Variants in WNK2 observed in about 807,000 individuals in gnomAD.
WNK2 encodes WNK lysine deficient protein kinase 2.
Under a neutral mutation model 192.1 loss-of-function variants are expected in WNK2, and 67 were observed. That is an observed-to-expected ratio of 0.35 (90% CI 0.29 to 0.43). WNK2 has a LOEUF of 0.43. Among genes scored for constraint, WNK2 ranks in the 20% least tolerant of loss-of-function variants. WNK2 has a pLI of 1.00. For synonymous variants in WNK2, 1,439 were observed against 1,393.9 expected, an observed-to-expected ratio of 1.03 and a Z score of -0.72; for missense variants, 2,698 against 3,089.7, an observed-to-expected ratio of 0.87 and a Z score of 3.01.
chr9:93,293,069 C>T lies in WNK2; in HGVS notation c.5604C>T (p.Ile1868=), dbSNP rs1207523224. The T allele has an allele frequency of 1.9e-6, 3 of 1,610,564 alleles. No individual in the cohort carries two copies. The highest frequency in any genetic ancestry group is 1.7e-6 in the Non-Finnish European group (2 of 1,178,758). The change falls in exon 23 of 30, where the codon ATC becomes ATT. Residue 1868 remains isoleucine (I), a synonymous_variant. Transcript: ENST00000427277. The stretch of plus-strand genomic sequence containing the variant: ...GGGTGGGCATGAAGGTCCCCACGAT[C>T]AGCGTGACCTCCTTCCATTCCCAGT... ...PSRVGMKVPT[I]SVTSFHSQSS...
chr9:93,236,189 G>T (rs1839781902), intron 5 of WNK2, among the ~76,000 whole-genome samples: 1 of 152,300 alleles, frequency 6.6e-6, no homozygotes, highest in African/African-American at 2.4e-5. Flanking sequence ...CATTTGCCAG[G>T]CCTTGGGGTG....
intron 2 of WNK2, among the ~76,000 whole-genome samples, chr9:93,221,706 A>C (rs1836919598): frequency 6.6e-6 from 1 of 152,228 alleles, no homozygotes; most frequent in Non-Finnish European, 1.5e-5. Context: ...CGTTCGCAGG[A>C]AACTAAGGAA....
chr9:93,257,347 C>T lies in WNK2; in HGVS notation c.2382+208C>T, dbSNP rs1843474936. 6.6e-6 allele frequency among the ~76,000 whole-genome samples: 1 copy of T among 152,164 alleles called. No homozygotes were observed. The highest frequency in any genetic ancestry group is 1.9e-4 in the East Asian group (1 of 5,178). On this transcript the variant is annotated intron_variant, in intron 11 of 29. Coordinates refer to ENST00000427277, the MANE Select transcript of WNK2 (RefSeq NM_006648.4). This position sits in a 1 kb window ranked among gnomAD's most constrained non-coding sequence, Gnocchi z 4.7. The stretch of plus-strand genomic sequence containing the variant: ...ACCAGGAACGCTCCAGGGTCCCACA[C>T]AACCAGCCACTTGTCCCTTGGTGGC...
intron 2 of WNK2, among the ~76,000 whole-genome samples, chr9:93,211,424 TCACTCACCCACCCACTCATC>T (rs1387113936): frequency 2.1e-5 from 3 of 145,660 alleles, no homozygotes; most frequent in African/African-American, 5.1e-5. Flanking sequence ...CACCACTCAT[TCACTCACCCACCCACTCATC>T]CACTCACCCA....
At chr9:93,202,325 CGTGTGTGT>C (rs761769543) in intron 2 of WNK2, among the ~76,000 whole-genome samples, 3,676 of 130,630 alleles carry the variant, frequency 0.028, 182 homozygotes, top group African/African-American at 0.094. Context: ...TCCGTGTGCA[CGTGTGTGT>C]GTGTGTGTGT....
At chr9:93,270,411 C>T (rs182266975) in intron 19 of WNK2, among the ~76,000 whole-genome samples, 1 of 152,324 alleles carries the variant, frequency 6.6e-6, no homozygotes, top group East Asian at 1.9e-4. Context: ...CACACACATC[C>T]ATTTTTCTTT....
chr9:93,217,753 G>A (rs1836010819), intron 2 of WNK2, among the ~76,000 whole-genome samples: 1 of 152,222 alleles, frequency 6.6e-6, no homozygotes, highest in Admixed American at 6.5e-5. Flanking sequence ...GTTTGTGCCT[G>A]GGCACATGTT....
chr9:93,292,737 A>G lies in WNK2; in HGVS notation c.5272A>G (p.Thr1758Ala). 6.4e-7 allele frequency: 1 copy of G among 1,562,680 alleles called. No homozygotes were observed. Among genetic ancestry groups the G allele is most frequent in the Non-Finnish European group, 8.7e-7 (1 of 1,154,754 alleles). ...FSVVSTQDEWTLASPHSLRYS... is the reference protein window; with the variant it reads ...FSVVSTQDEWALASPHSLRYS... ...GGTGGTCAGCACTCAGGACGAGTGG[A>G]CCCTGGCCTCCCCCCACAGCCTGAG... Residue 1758 changes from threonine (T) to alanine (A), a missense_variant, in exon 23 of 30, where the codon ACC (threonine) becomes GCC (alanine). Thr to Ala is a moderately conservative substitution (Grantham distance 58, BLOSUM62 0). This residue lies in a region of WNK2 where 1,098 missense variants were observed against 1,101.0 expected (regional missense o/e 1.00). Coordinates refer to ENST00000427277, the MANE Select transcript of WNK2 (RefSeq NM_006648.4).
At chr9:93,264,760 C>T (rs1844887270) in intron 16 of WNK2, among the ~76,000 whole-genome samples, 1 of 152,246 alleles carries the variant, frequency 6.6e-6, no homozygotes, top group Admixed American at 6.5e-5. Context: ...GGAGCCAGGT[C>T]CTAAAGGGGC....
chr9:93,272,613 C>T (rs1037168661), intron 19 of WNK2, among the ~76,000 whole-genome samples: 17 of 151,818 alleles, frequency 1.1e-4, no homozygotes, highest in Non-Finnish European at 1.8e-4. Context: ...TGGCACATGC[C>T]TGTAGTCCCA....
chr9:93,236,610 C>T (rs1839857645), intron 5 of WNK2, among the ~76,000 whole-genome samples: 1 of 152,272 alleles, frequency 6.6e-6, no homozygotes, highest in African/African-American at 2.4e-5. Context: ...CCTGGCCCCG[C>T]CCTGCTGCTT....
Position 93,246,179 on chromosome 9 carries a change from G to GC in WNK2, c.1543-1360dup, listed in dbSNP as rs536467042. On this transcript the variant is annotated intron_variant, in intron 7 of 29. Transcript: ENST00000427277. The stretch of plus-strand genomic sequence containing the variant: ...TACTGTTCATTTTGATGCTCAAAAT[G>GC]CCCCAGATTTGCCAGCGGGAGGCCC... Among the ~76,000 whole-genome samples the GC allele has an allele frequency of 2.3e-3, 357 of 152,234 alleles. 2 individuals are homozygous for GC. The highest frequency in any genetic ancestry group is 7.8e-3 in the African/African-American group (325 of 41,532).
At chr9:93,188,852 G>A (rs1470502887) in intron 2 of WNK2, among the ~76,000 whole-genome samples, 1 of 152,222 alleles carries the variant, frequency 6.6e-6, no homozygotes, top group Non-Finnish European at 1.5e-5. Flanking sequence ...ATACAGCAAC[G>A]GGGAGGTGCC....
At chr9:93,230,687 C>T (rs1838626857) in intron 3 of WNK2, among the ~76,000 whole-genome samples, 1 of 152,260 alleles carries the variant, frequency 6.6e-6, no homozygotes, top group African/African-American at 2.4e-5. Flanking sequence ...GTTGTGAGCC[C>T]ACCCAGCTGG....
At chr9:93,240,254 G>A (rs1373469200) in intron 7 of WNK2, among the ~76,000 whole-genome samples, 2 of 152,178 alleles carry the variant, frequency 1.3e-5, no homozygotes, top group African/African-American at 4.8e-5. Context: ...GGGAATTCAG[G>A]GTGGGTGTGC....
At chr9:93,290,741 G>T (rs547374649) in intron 21 of WNK2, among the ~76,000 whole-genome samples, 24 of 152,382 alleles carry the variant, frequency 1.6e-4, no homozygotes, top group African/African-American at 5.3e-4. Context: ...ACTGCTGGGA[G>T]CGCCAGGTAC....
Position 93,196,897 on chromosome 9 carries a change from G to A in WNK2, c.681+11287G>A, listed in dbSNP as rs551672277. ...TGTGCTAGAGCCCTCCTCTGCCTGG[G>A]CCTGCAGAGAACAGCACAGCACACA... On this transcript the variant is annotated intron_variant, in intron 2 of 29. Transcript: ENST00000427277. Among the ~76,000 whole-genome samples, 6 of 152,182 alleles carry A rather than the reference G, an allele frequency of 3.9e-5. No individual in the cohort carries two copies. The South Asian group carries it at 8.3e-4, about 21-fold the overall frequency.
At chr9:93,191,797 G>A (rs761300221) in intron 2 of WNK2, among the ~76,000 whole-genome samples, 1 of 152,126 alleles carries the variant, frequency 6.6e-6, no homozygotes, top group African/African-American at 2.4e-5. Flanking sequence ...GGTTGAGACG[G>A]GTGGATCATT....
intron 8 of WNK2, among the ~76,000 whole-genome samples, chr9:93,248,259 T>C (rs1162059940): frequency 6.6e-6 from 1 of 152,222 alleles, no homozygotes; most frequent in Admixed American, 6.5e-5. Flanking sequence ...TAGGTATGGG[T>C]GAGCCTTGTT....
Sources: allele counts gnomAD v4.1 joint callset (sites outside exome capture counted in the v4.1 genomes callset), GRCh38; gene constraint gnomAD v4.1.1; regional missense constraint gnomAD v4.1.1; non-coding constraint Gnocchi (gnomAD v3.1); transcripts MANE v1.5; gene names NCBI Gene and HGNC (gene_info 2026-07-23, HGNC 2026-07-21).